Variants in SAMD3 observed in about 807,000 individuals in gnomAD.
The protein encoded by SAMD3 is sterile alpha motif domain-containing protein 3.
A neutral mutation model predicts 58.5 loss-of-function variants in SAMD3; 63 were observed. The ratio of observed to expected loss-of-function variants is 1.08; its 90% CI spans 0.88 to 1.33. The LOEUF is 1.33. SAMD3 is among the 40% of genes most tolerant of loss of function. SAMD3 has a pLI of 0.00. For missense variants in SAMD3, 604 were observed against 608.4 expected, an observed-to-expected ratio of 0.99 and a Z score of 0.08; for synonymous variants, 220 against 210.3, an observed-to-expected ratio of 1.05 and a Z score of -0.40.
chr6:130,309,674 G>A (rs1393338610), intron 2 of SAMD3, among the ~76,000 whole-genome samples: 1 of 152,130 alleles, frequency 6.6e-6, no homozygotes, highest in African/African-American at 2.4e-5. Context: ...TGAATTTCCT[G>A]GCACCTTACC....
intron 1 of SAMD3, among the ~76,000 whole-genome samples, chr6:130,220,212 G>A: frequency 6.6e-6 from 1 of 152,278 alleles, no homozygotes; most frequent in African/African-American, 2.4e-5. Context: ...ATGTTGGCCA[G>A]GTTGGTCTCG....
rs532803031 is a variant in SAMD3, at chr6:130,167,441, C to T, written c.822+8400G>A. On this transcript the variant is annotated intron_variant, in intron 8 of 11. Coordinates refer to ENST00000439090, the MANE Select transcript of SAMD3 (RefSeq NM_001017373.4). ...AAGTTGGATTCATTCAACTTTAACA[C>T]CTAAGGATTATGACAAAAAAATACT... Among the ~76,000 whole-genome samples, 3 of 152,198 alleles carry T rather than the reference C, an allele frequency of 2.0e-5. No homozygotes were observed. In the South Asian group the frequency reaches 6.2e-4, roughly 32 times the overall value.
chr6:130,311,305 G>A (rs914882774), intron 2 of SAMD3, among the ~76,000 whole-genome samples: 1 of 152,194 alleles, frequency 6.6e-6, no homozygotes, highest in South Asian at 2.1e-4. Flanking sequence ...TATGAAAGAG[G>A]CATTTTATGA....
Position 130,321,769 on chromosome 6 carries a change from C to T in SAMD3, c.-303-8676G>A, listed in dbSNP as rs148188567. ...CCCGAAACACTGCCTGGCCAAGCTACGTATATATCCATTACATATTTGACA... is the reference window on the plus strand; with the variant it reads ...CCCGAAACACTGCCTGGCCAAGCTATGTATATATCCATTACATATTTGACA... On this transcript the variant is annotated intron_variant, in intron 1 of 13. Coordinates refer to the SAMD3 transcript ENST00000368134. Among the ~76,000 whole-genome samples, 5 of 151,916 alleles carry T rather than the reference C, an allele frequency of 3.3e-5. No individual in the cohort carries two copies. The East Asian group carries it at 7.7e-4, about 24-fold the overall frequency.
intron 2 of SAMD3, among the ~76,000 whole-genome samples, chr6:130,296,753 G>T (rs1296163245): frequency 1.3e-5 from 2 of 152,116 alleles, no homozygotes; most frequent in African/African-American, 2.4e-5. Flanking sequence ...AAGAGGGTCT[G>T]CCCTGAGCCC....
At chr6:130,227,424 C>T (rs117775003), upstream of SAMD3, among the ~76,000 whole-genome samples, 3,817 of 152,176 alleles carry the variant, frequency 0.025, 69 homozygotes, top group Non-Finnish European at 0.039. Flanking sequence ...AACGCTGATA[C>T]GAACACAGGG....
intron 2 of SAMD3, among the ~76,000 whole-genome samples, chr6:130,307,733 C>T (rs1488785116): frequency 6.6e-6 from 1 of 152,140 alleles, no homozygotes; most frequent in Non-Finnish European, 1.5e-5. Flanking sequence ...CTTTTAAAAG[C>T]TTTGGTTACA....
At chr6:130,329,921 G>C (rs1776875340) in intron 1 of SAMD3, among the ~76,000 whole-genome samples, 1 of 151,126 alleles carries the variant, frequency 6.6e-6, no homozygotes, top group Admixed American at 6.6e-5. Context: ...GTTGGGGGGT[G>C]GGGGGAAAGG....
intron 8 of SAMD3, among the ~76,000 whole-genome samples, chr6:130,158,354 ATGACT>A (rs1789979189): frequency 6.6e-6 from 1 of 152,322 alleles, no homozygotes; most frequent in African/African-American, 2.4e-5. Context: ...GCAGGGATAG[ATGACT>A]TTACTAGCGG....
chr6:130,164,155 G>A (rs1192589170), intron 8 of SAMD3, among the ~76,000 whole-genome samples: 1 of 150,268 alleles, frequency 6.7e-6, no homozygotes, highest in Non-Finnish European at 1.5e-5. Context: ...GTATATATTT[G>A]ATAGAATATT....
chr6:130,360,512 A>G (rs1777953803), intron 1 of SAMD3, among the ~76,000 whole-genome samples: 1 of 152,228 alleles, frequency 6.6e-6, no homozygotes, highest in African/African-American at 2.4e-5. Context: ...GTGTACGAAT[A>G]GGGTGTGGGT....
chr6:130,144,579 A>C lies in SAMD3; in HGVS notation c.1504T>G (p.Tyr502Asp). ...TCCTTTTCTTTCAAAGAAGGAAAAT[A>C]AGGACTGTGCATATCGAAAATCAGC... ...ETLIFDMHSP[Y>D]FPSLKEKENE... The change falls in exon 12 of 12, where the codon TAT (tyrosine) becomes GAT (aspartate). Residue 502 changes from tyrosine to aspartate, a missense_variant. Coordinates refer to ENST00000439090, the MANE Select transcript of SAMD3 (RefSeq NM_001017373.4). The C allele has an allele frequency of 6.2e-7, 1 of 1,614,130 alleles. No individual in the cohort carries two copies. Among genetic ancestry groups the C allele is most frequent in the East Asian group, 2.2e-5 (1 of 44,856 alleles).
At chr6:130,221,560 T>A (rs944459457) in intron 1 of SAMD3, 2 of 152,202 alleles carry the variant, frequency 1.3e-5, no homozygotes, top group African/African-American at 4.8e-5. Flanking sequence ...ACAGTACTGT[T>A]ACAATAAAAT....
At chr6:130,328,905 G>A (rs1372057209) in intron 1 of SAMD3, among the ~76,000 whole-genome samples, 1 of 152,184 alleles carries the variant, frequency 6.6e-6, no homozygotes, top group East Asian at 1.9e-4. Flanking sequence ...AGGTTTATGA[G>A]TATAAAGGAA....
At chr6:130,174,700 T>C (rs577429740) in intron 8 of SAMD3, among the ~76,000 whole-genome samples, 17 of 152,356 alleles carry the variant, frequency 1.1e-4, no homozygotes, top group African/African-American at 3.6e-4. Context: ...TAGTTTGTAA[T>C]TGGAATTTTT....
chr6:130,308,404 TA>T (rs1209046813), intron 2 of SAMD3, among the ~76,000 whole-genome samples: 696 of 129,706 alleles, frequency 5.4e-3, no homozygotes, highest in African/African-American at 0.014. Context: ...TATTCTATTC[TA>T]TTCTATTCTA....
chr6:130,336,889 C>T (rs931466583), intron 1 of SAMD3, among the ~76,000 whole-genome samples: 2 of 152,300 alleles, frequency 1.3e-5, no homozygotes. Context: ...TGTTTATACT[C>T]ATGCAAATAT....
chr6:130,172,961 T>A (rs796977071), intron 8 of SAMD3, among the ~76,000 whole-genome samples: 26 of 152,338 alleles, frequency 1.7e-4, no homozygotes, highest in African/African-American at 6.0e-4. Flanking sequence ...AAGTTGATCT[T>A]CAATCTTTGA....
At chr6:130,173,235 G>A (rs890870372) in intron 8 of SAMD3, among the ~76,000 whole-genome samples, 1 of 152,180 alleles carries the variant, frequency 6.6e-6, no homozygotes, top group Non-Finnish European at 1.5e-5. Flanking sequence ...TTGTTGGAAA[G>A]GAGTTGCTGT....
Sources: allele counts gnomAD v4.1 joint callset (sites outside exome capture counted in the v4.1 genomes callset), GRCh38; gene constraint gnomAD v4.1.1; transcripts MANE v1.5; gene names NCBI Gene and HGNC (gene_info 2026-07-23, HGNC 2026-07-21).